Variants in REEP5 observed in about 807,000 individuals in gnomAD.
REEP5 encodes receptor accessory protein 5.
In REEP5, 24 loss-of-function variants were observed where a neutral mutation model predicts 22.4. That is an observed-to-expected ratio of 1.07 (90% CI 0.78 to 1.51). The LOEUF (loss-of-function observed/expected upper bound fraction) is 1.51, where lower values mean the gene tolerates loss of function less well. Among genes scored for constraint, REEP5 ranks in the 40% most tolerant of loss-of-function variants. The pLI is 0.00. For synonymous variants in REEP5, 103 were observed against 88.6 expected, an observed-to-expected ratio of 1.16 and a Z score of -0.92; for missense variants, 252 against 233.0, an observed-to-expected ratio of 1.08 and a Z score of -0.53.
chr5:112,884,954 C>T (rs1252389861), intron 4 of REEP5: 1 of 152,166 alleles, frequency 6.6e-6, no homozygotes, highest in South Asian at 2.1e-4. Flanking sequence ...ATGCTTGGCA[C>T]ATATTAAACA....
intron 2 of REEP5, among the ~76,000 whole-genome samples, chr5:112,909,427 A>T (rs1769041127): frequency 6.6e-6 from 1 of 151,898 alleles, no homozygotes; most frequent in Non-Finnish European, 1.5e-5. Context: ...TCTTTGTTTA[A>T]GTAGCTGTCA....
Position 112,892,584 on chromosome 5 carries a change from G to A in REEP5, c.352-5401C>T, listed in dbSNP as rs183322512. ...GCCCAGTGACCCGGTGGAAAATGGC[G>A]ATTTGTGGTTTATTTGAAATACAAC... On this transcript the variant is annotated intron_variant, in intron 3 of 4. Coordinates refer to ENST00000379638, the MANE Select transcript of REEP5 (RefSeq NM_005669.5). 193 of 1,614,148 alleles carry A rather than the reference G, an allele frequency of 1.2e-4. 1 individual carries two copies. Among genetic ancestry groups the A allele is most frequent in the African/African-American group, 1.1e-3 (84 of 75,022 alleles).
rs528772354 is a variant in REEP5 at position 112,908,451 on chromosome 5, C to CT, written c.213-5934dup. ...TTTTCTCCTATGAGACTAGTTTTCT[C>CT]TATGAGGCTTTGTTAAAAATAAACA... On this transcript the variant is annotated intron_variant, in intron 2 of 4. Transcript: ENST00000379638. Among the ~76,000 whole-genome samples the CT allele has an allele frequency of 4.5e-4, 69 of 152,210 alleles. 1 individual carries two copies. The South Asian group carries it at 7.9e-3, about 17-fold the overall frequency.
chr5:112,897,253 C>T (rs1768713245), intron 3 of REEP5: 1 of 151,712 alleles, frequency 6.6e-6, no homozygotes, highest in South Asian at 2.1e-4. Flanking sequence ...TATTTATATA[C>T]ACAGACCAAT....
In REEP5 at chr5:112,913,850, C is replaced by A. The variant is rs575273270; in HGVS notation, c.212+7313G>T. 6.6e-5 allele frequency among the ~76,000 whole-genome samples: 10 copies of A among 152,204 alleles called. No individual in the cohort carries two copies. In the East Asian group the frequency reaches 1.9e-3, roughly 29 times the overall value. On this transcript the variant is annotated intron_variant, in intron 2 of 4. Coordinates refer to ENST00000379638, the MANE Select transcript of REEP5 (RefSeq NM_005669.5). ...CCACATCTGTTACAGGTGGCTATCA[C>A]CCTAGCAGCTTAGTCTCTAAGACCC...
chr5:112,885,321 A>G, intron 4 of REEP5: 1 of 174,684 alleles, frequency 5.7e-6, no homozygotes, highest in Non-Finnish European at 1.2e-5. Context: ...AGCAAGTGGT[A>G]GATTTAGAAC....
chr5:112,892,507 T>C lies in REEP5; in HGVS notation c.352-5324A>G, dbSNP rs776804788. 9 of 1,614,018 alleles carry C rather than the reference T, an allele frequency of 5.6e-6. No individual in the cohort carries two copies. In the Middle Eastern group the frequency reaches 6.6e-4, roughly 118 times the overall value. The stretch of plus-strand genomic sequence containing the variant: ...GGAAGAAGAATGCCAAGCAGCCCTT[T>C]CTCTGTTTAACGGACGATGGTATGC... On this transcript the variant is annotated intron_variant, in intron 3 of 4. Transcript: ENST00000379638.
rs981532751 is a variant in REEP5, at chr5:112,891,533, CAT to C, written c.352-4352_352-4351del. 4.1e-6 allele frequency: 6 copies of C among 1,465,606 alleles called. No homozygotes were observed. The African/African-American group carries it at 5.6e-5, about 14-fold the overall frequency. The allele number at this position is 1,465,606 out of a possible 1,614,324, so 90.8% of individuals were successfully genotyped here. ...ATGCAAACAAAACAATACTAGAAAACATAAAATATTCATAAGTAGAATCACTG... is the reference window on the plus strand; with the variant it reads ...ATGCAAACAAAACAATACTAGAAAACAAAATATTCATAAGTAGAATCACTG... On this transcript the variant is annotated intron_variant, in intron 3 of 4. Coordinates refer to ENST00000379638, the MANE Select transcript of REEP5 (RefSeq NM_005669.5).
At chr5:112,921,292 A>C (rs377166215) in intron 1 of REEP5, 36 bp from the exon 2 acceptor site, 17 of 1,603,868 alleles carry the variant, frequency 1.1e-5, no homozygotes, top group Non-Finnish European at 1.4e-5. Flanking sequence ...GTCGGGCAGC[A>C]TGAGAGCCGT....
intron 3 of REEP5, chr5:112,892,891 A>G (rs1410333071): frequency 2.7e-5 from 43 of 1,611,612 alleles, no homozygotes; most frequent in Non-Finnish European, 3.3e-5. Flanking sequence ...ACGCACATCA[A>G]AGAGTCGGGA....
intron 3 of REEP5, chr5:112,892,984 C>A: frequency 6.3e-7 from 1 of 1,584,654 alleles, no homozygotes; most frequent in Non-Finnish European, 8.6e-7. Context: ...CAGGAGCCAC[C>A]GCAGCCGGAG....
rs779794692 is a variant in REEP5, at chr5:112,922,223, C to T, written c.-33G>A. ...ACCGTCTCGCCGCTCGGGGCTGTTC[C>T]TAGTGCCGGATAGACTGGAGCGGCG... On this transcript the variant is annotated 5_prime_UTR_variant, in exon 1 of 5. Transcript: ENST00000379638. 1 of 1,589,236 alleles carries T rather than the reference C, an allele frequency of 6.3e-7. No individual in the cohort carries two copies. The highest frequency in any genetic ancestry group is 8.6e-7 in the Non-Finnish European group (1 of 1,168,318).
chr5:112,904,447 T>G (rs1561656355), intron 2 of REEP5, among the ~76,000 whole-genome samples: 2 of 152,250 alleles, frequency 1.3e-5, no homozygotes, highest in Non-Finnish European at 1.5e-5. Context: ...AGGAGATACG[T>G]AATTACATTT....
chr5:112,880,447 A>G (rs1256159654), intron 4 of REEP5, among the ~76,000 whole-genome samples: 1 of 151,458 alleles, frequency 6.6e-6, no homozygotes, highest in Non-Finnish European at 1.5e-5. Context: ...CCAGAGCCTT[A>G]GTGATGAGAG....
chr5:112,914,351 G>A (rs540211540), intron 2 of REEP5, among the ~76,000 whole-genome samples: 1 of 150,828 alleles, frequency 6.6e-6, no homozygotes, highest in African/African-American at 2.4e-5. Context: ...TCAAGCTCAG[G>A]TGATTCTCCC....
chr5:112,903,082 T>G (rs989943706), intron 2 of REEP5, among the ~76,000 whole-genome samples: 1 of 152,254 alleles, frequency 6.6e-6, no homozygotes, highest in African/African-American at 2.4e-5. Flanking sequence ...CCACAGGCTA[T>G]GGACTTTCCT....
chr5:112,888,736 A>G (rs1309155047), intron 3 of REEP5, among the ~76,000 whole-genome samples: 4 of 150,962 alleles, frequency 2.6e-5, no homozygotes, highest in African/African-American at 9.8e-5. Flanking sequence ...TAAGACAGAG[A>G]CTTGCTAGGC....
In REEP5 at chr5:112,890,703, C is replaced by T. The variant is rs970392664; in HGVS notation, c.352-3520G>A. On this transcript the variant is annotated intron_variant, in intron 3 of 4. Coordinates refer to ENST00000379638, the MANE Select transcript of REEP5 (RefSeq NM_005669.5). ...TAAAATCTCACTCTAAAGATATATA[C>T]AGATCTCTCAACCCAACAAAGAGGG... 4.0e-5 allele frequency among the ~76,000 whole-genome samples: 6 copies of T among 150,378 alleles called. 2 individuals are homozygous for T. Among genetic ancestry groups the T allele is most frequent in the Admixed American group, 4.0e-4 (6 of 15,102 alleles).
At chr5:112,901,496 G>A (rs1032461386) in intron 3 of REEP5, among the ~76,000 whole-genome samples, 12 of 151,946 alleles carry the variant, frequency 7.9e-5, no homozygotes, top group African/African-American at 2.9e-4. Context: ...ATTGCTTAAG[G>A]TCAGGAGTTC....
Sources: gnomAD v4.1 joint callset for allele counts (sites outside exome capture counted in the v4.1 genomes callset) on GRCh38, gnomAD v4.1.1 for gene constraint, MANE v1.5 for transcripts, NCBI Gene and HGNC (gene_info 2026-07-23, HGNC 2026-07-21) for gene names.